The following VSNL1 variants were observed in gnomAD, a reference collection of about 807,000 sequenced individuals.
VSNL1 encodes the protein visinin like 1.
VSNL1 carries 6 observed loss-of-function variants against 20.4 expected under a neutral mutation model. The ratio of observed to expected loss-of-function variants is 0.29; its 90% CI spans 0.16 to 0.58. VSNL1 has a LOEUF of 0.58. Ranked by LOEUF, VSNL1 falls within the 20% of genes least tolerant of loss-of-function variation. The pLI is 0.90. For synonymous variants in VSNL1, 93 were observed against 86.4 expected, an observed-to-expected ratio of 1.08 and a Z score of -0.42; for missense variants, 100 against 234.5, an observed-to-expected ratio of 0.43 and a Z score of 3.75.
intron 2 of VSNL1, among the ~76,000 whole-genome samples, chr2:17,605,188 G>T (rs191009986): frequency 2.9e-4 from 44 of 152,330 alleles, no homozygotes; most frequent in African/African-American, 1.0e-3. Flanking sequence ...AATTATGACT[G>T]GGGATAGAGT....
intron 2 of VSNL1, among the ~76,000 whole-genome samples, chr2:17,627,982 G>C (rs1317354265): frequency 6.6e-6 from 1 of 152,218 alleles, no homozygotes; most frequent in Non-Finnish European, 1.5e-5. Flanking sequence ...AAGCAAGATG[G>C]GGTCAGTTAG....
chr2:17,561,838 T>C (rs546340888), intron 1 of VSNL1, among the ~76,000 whole-genome samples: 153 of 152,324 alleles, frequency 1.0e-3, no homozygotes, highest in Non-Finnish European at 1.6e-3. Context: ...GGTATAATTC[T>C]TCAGACAGAG....
intron 1 of VSNL1, among the ~76,000 whole-genome samples, chr2:17,589,293 G>A (rs1276761717): frequency 1.3e-5 from 2 of 152,178 alleles, no homozygotes; most frequent in Non-Finnish European, 2.9e-5. Flanking sequence ...CAGAAAACGA[G>A]GATATAAGTA....
At chr2:17,572,599 A>C (rs747898292) in intron 1 of VSNL1, among the ~76,000 whole-genome samples, 19 of 152,174 alleles carry the variant, frequency 1.2e-4, no homozygotes, top group Admixed American at 5.2e-4. Flanking sequence ...ATTCATTTCT[A>C]TTACTCCATG....
Position 17,642,309 on chromosome 2 carries a change from C to CTTTTT in VSNL1, c.163-7088_163-7084dup, listed in dbSNP as rs577471307. 4.6e-4 allele frequency among the ~76,000 whole-genome samples: 43 copies of CTTTTT among 93,242 alleles called. 6 individuals are homozygous for CTTTTT. Among genetic ancestry groups the CTTTTT allele is most frequent in the South Asian group, 7.7e-4 (2 of 2,588 alleles). The allele number at this position is 93,242 out of a possible 152,430, so 61.2% of individuals were successfully genotyped here. ...CTGGCTTTTCCCATGGTGAGCATTC[C>CTTTTT]TTTTTTTTTTTTTTTTTGAGACAGA... On this transcript the variant is annotated intron_variant, in intron 2 of 3. Transcript: ENST00000295156.
intron 2 of VSNL1, among the ~76,000 whole-genome samples, chr2:17,615,246 G>T (rs1665188019): frequency 6.6e-6 from 1 of 152,204 alleles, no homozygotes; most frequent in South Asian, 2.1e-4. Flanking sequence ...CAGGAAGTGG[G>T]ATTGGTGAGA....
intron 3 of VSNL1, among the ~76,000 whole-genome samples, chr2:17,650,439 C>G (rs1461140405): frequency 3.3e-5 from 5 of 152,264 alleles, no homozygotes; most frequent in Non-Finnish European, 7.3e-5. Flanking sequence ...GCTGCATGCC[C>G]AGAACCCAGA....
chr2:17,611,347 C>T (rs866561708), intron 2 of VSNL1, among the ~76,000 whole-genome samples: 2 of 152,218 alleles, frequency 1.3e-5, no homozygotes, highest in African/African-American at 4.8e-5. Context: ...TGCTGTGTGA[C>T]AAATGACATA....
intron 1 of VSNL1, among the ~76,000 whole-genome samples, chr2:17,584,999 C>T (rs956727073): frequency 1.3e-5 from 2 of 152,158 alleles, no homozygotes; most frequent in Non-Finnish European, 2.9e-5. Flanking sequence ...TCTTGTTACT[C>T]GCCCTAACAT....
intron 1 of VSNL1, chr2:17,541,686 T>A (rs986413246): frequency 1.3e-5 from 2 of 152,208 alleles, no homozygotes; most frequent in Non-Finnish European, 2.9e-5. Context: ...CAAGGTGTGT[T>A]ACATTTGGTA....
At chr2:17,551,006 T>C (rs528330507) in intron 1 of VSNL1, among the ~76,000 whole-genome samples, 294 of 152,314 alleles carry the variant, frequency 1.9e-3, no homozygotes, top group Non-Finnish European at 2.5e-3. Context: ...GCTGTACCAC[T>C]GAGGCCAGCA....
At chr2:17,577,121 A>G (rs889362238) in intron 1 of VSNL1, among the ~76,000 whole-genome samples, 9 of 152,244 alleles carry the variant, frequency 5.9e-5, no homozygotes, top group African/African-American at 2.2e-4. Flanking sequence ...ATTTAAATAT[A>G]TCTAAACATG....
At chr2:17,555,754 T>C (rs1663661718) in intron 1 of VSNL1, among the ~76,000 whole-genome samples, 1 of 152,164 alleles carries the variant, frequency 6.6e-6, no homozygotes, top group South Asian at 2.1e-4. Context: ...AGGTAGTGAA[T>C]GACAAATTTC....
At chr2:17,546,443 C>T (rs971271324) in intron 1 of VSNL1, among the ~76,000 whole-genome samples, 1 of 151,412 alleles carries the variant, frequency 6.6e-6, no homozygotes, top group Non-Finnish European at 1.5e-5. Context: ...ACATGTTAAA[C>T]GTACTTTGAA....
chr2:17,594,093 C>T (rs926960456), intron 2 of VSNL1, among the ~76,000 whole-genome samples: 6 of 152,184 alleles, frequency 3.9e-5, no homozygotes, highest in Non-Finnish European at 8.8e-5. Context: ...ATTTTATTTA[C>T]ACACTGGAAG....
At chr2:17,583,098 A>C (rs754292526) in intron 1 of VSNL1, among the ~76,000 whole-genome samples, 1 of 152,176 alleles carries the variant, frequency 6.6e-6, no homozygotes, top group Non-Finnish European at 1.5e-5. Flanking sequence ...AATGGCTCTC[A>C]GAGAGGAAAG....
chr2:17,604,299 G>A (rs1255412570), intron 2 of VSNL1, among the ~76,000 whole-genome samples: 1 of 152,226 alleles, frequency 6.6e-6, no homozygotes, highest in African/African-American at 2.4e-5. Flanking sequence ...CTTGATCCTG[G>A]AATGCCAGGC....
At chr2:17,620,201 G>T (rs1404902629) in intron 2 of VSNL1, among the ~76,000 whole-genome samples, 2 of 152,176 alleles carry the variant, frequency 1.3e-5, no homozygotes, top group South Asian at 4.1e-4. Context: ...GGCAGAGAGG[G>T]TACCACTGTA....
chr2:17,616,429 T>C (rs1295615596), intron 2 of VSNL1, among the ~76,000 whole-genome samples: 1 of 152,208 alleles, frequency 6.6e-6, no homozygotes, highest in Non-Finnish European at 1.5e-5. Context: ...TGAAATGGCA[T>C]AGTGTAGCCT....
Sources: gnomAD v4.1 joint callset for allele counts (sites outside exome capture counted in the v4.1 genomes callset) on GRCh38, gnomAD v4.1.1 for gene constraint, MANE v1.5 for transcripts, NCBI Gene and HGNC (gene_info 2026-07-23, HGNC 2026-07-21) for gene names.